The following PCDH7 variants were observed in gnomAD, a reference collection of about 807,000 sequenced individuals.
PCDH7 encodes the protein protocadherin-7.
In PCDH7, 17 loss-of-function variants were observed where a neutral mutation model predicts 58.9. That is an observed-to-expected ratio of 0.29 (90% CI 0.20 to 0.43). The LOEUF (loss-of-function observed/expected upper bound fraction) is 0.43, where lower values mean the gene tolerates loss of function less well. Among genes scored for constraint, PCDH7 ranks in the 20% least tolerant of loss-of-function variants. The pLI is 1.00. For missense variants in PCDH7, 1,274 were observed against 1,441.0 expected, an observed-to-expected ratio of 0.88 and a Z score of 1.88; for synonymous variants, 664 against 616.4, an observed-to-expected ratio of 1.08 and a Z score of -1.14.
In PCDH7 at chr4:30,754,188, G is replaced by GTT. The variant is rs1553879619; in HGVS notation, c.70+29597_70+29598dup. 1.7e-3 allele frequency among the ~76,000 whole-genome samples: 246 copies of GTT among 141,022 alleles called. 6 individuals are homozygous for GTT. The highest frequency in any genetic ancestry group is 0.012 in the East Asian group (59 of 5,092). The allele number at this position is 141,022 out of a possible 152,430, so 92.5% of individuals were successfully genotyped here. A position where few individuals can be genotyped will look rare whatever the true frequency, so the allele number is the denominator to read the frequency against. On this transcript the variant is annotated intron_variant, in intron 1 of 3. Transcript: ENST00000509759. Reference sequence around the variant, plus strand: ...TGTGTGTGTGTGTGTGTGTGTGTGTGTTTTTTCTGGAGGGAGGAGGAAGTA... The same window carrying GTT: ...TGTGTGTGTGTGTGTGTGTGTGTGTGTTTTTTTTCTGGAGGGAGGAGGAAGTA...
chr4:30,994,372 T>C (rs1470571788), intron 3 of PCDH7, among the ~76,000 whole-genome samples: 1 of 152,176 alleles, frequency 6.6e-6, no homozygotes, highest in Non-Finnish European at 1.5e-5. Context: ...CATGACAGCT[T>C]TGTTGTACCT....
chr4:30,926,342 A>C (rs532941377), intron 2 of PCDH7, among the ~76,000 whole-genome samples: 3 of 151,746 alleles, frequency 2.0e-5, no homozygotes, highest in Non-Finnish European at 4.4e-5. Flanking sequence ...CCGCCACCAC[A>C]CTCGGCTAAT....
rs988799827 is a variant in PCDH7 at position 30,843,114 on chromosome 4, T to C, written c.71-77039T>C. ...ATAGTTAGGGAACAGTTTATAAGTG[T>C]CAGTTGAGCTATATATTTTATCTTA... On this transcript the variant is annotated intron_variant, in intron 1 of 3. Coordinates refer to the PCDH7 transcript ENST00000509759. Among the ~76,000 whole-genome samples, 5 of 152,030 alleles carry C rather than the reference T, an allele frequency of 3.3e-5. No individual in the cohort carries two copies. The Middle Eastern group carries it at 0.014, about 414-fold the overall frequency.
At chr4:31,034,652 T>TA (rs1485836178) in intron 3 of PCDH7, among the ~76,000 whole-genome samples, 2 of 152,176 alleles carry the variant, frequency 1.3e-5, no homozygotes, top group South Asian at 4.1e-4. Flanking sequence ...TTTAGGATTG[T>TA]AAAAATCTAT....
At chr4:30,728,032 C>T (rs1190325234) in intron 1 of PCDH7, among the ~76,000 whole-genome samples, 2 of 151,666 alleles carry the variant, frequency 1.3e-5, no homozygotes, top group African/African-American at 4.8e-5. Flanking sequence ...CCACTTGCAG[C>T]TGATCCTGAA....
intron 3 of PCDH7, among the ~76,000 whole-genome samples, chr4:31,010,868 A>T (rs186289574): frequency 3.7e-4 from 57 of 152,162 alleles, no homozygotes; most frequent in African/African-American, 7.5e-4. Context: ...ATTTTAAAAA[A>T]TAAAAAGATG....
chr4:31,029,618 C>T lies in PCDH7; in HGVS notation c.*7+79403C>T, dbSNP rs561433603. 3.9e-5 allele frequency among the ~76,000 whole-genome samples: 6 copies of T among 152,272 alleles called. No homozygotes were observed. The South Asian group carries it at 1.2e-3, about 32-fold the overall frequency. On this transcript the variant is annotated intron_variant, in intron 3 of 3. Coordinates refer to the PCDH7 transcript ENST00000509759. ...GGAAGTTTATAGAGGACTTTGAAGT[C>T]AGACATACTTGGGTTTGCACATTAA...
intron 1 of PCDH7, among the ~76,000 whole-genome samples, chr4:30,784,053 A>C (rs1432185807): frequency 2.6e-5 from 4 of 152,134 alleles, no homozygotes; most frequent in Admixed American, 1.3e-4. Flanking sequence ...ACTTCAGCTG[A>C]ATTGGACTTG....
At chr4:31,027,648 C>G (rs547119530) in intron 3 of PCDH7, among the ~76,000 whole-genome samples, 1 of 152,102 alleles carries the variant, frequency 6.6e-6, no homozygotes, top group African/African-American at 2.4e-5. Flanking sequence ...GCTTCAATCT[C>G]CTGACCTCAT....
intron 3 of PCDH7, among the ~76,000 whole-genome samples, chr4:31,073,199 A>T (rs1041671302): frequency 6.6e-6 from 1 of 152,154 alleles, no homozygotes; most frequent in Non-Finnish European, 1.5e-5. Flanking sequence ...TGCTTAGGGG[A>T]TTAGATTTGC....
intron 1 of PCDH7, among the ~76,000 whole-genome samples, chr4:30,789,968 A>C (rs138882948): frequency 3.3e-5 from 5 of 152,204 alleles, no homozygotes; most frequent in Non-Finnish European, 7.3e-5. Context: ...GCAGAAGAAC[A>C]GCTGTGAATG....
At chr4:30,828,322 T>A (rs559734493) in intron 1 of PCDH7, among the ~76,000 whole-genome samples, 1 of 152,122 alleles carries the variant, frequency 6.6e-6, no homozygotes, top group Non-Finnish European at 1.5e-5. Flanking sequence ...ACATAATATA[T>A]GCTTGCTGAA....
At chr4:30,866,449 T>C (rs1392301793) in intron 1 of PCDH7, among the ~76,000 whole-genome samples, 2 of 152,082 alleles carry the variant, frequency 1.3e-5, no homozygotes, top group African/African-American at 2.4e-5. Context: ...AAGTTCATGC[T>C]CTTTCCATTA....
intron 3 of PCDH7, among the ~76,000 whole-genome samples, chr4:31,096,361 G>A (rs1050052637): frequency 2.0e-5 from 3 of 152,220 alleles, no homozygotes; most frequent in African/African-American, 4.8e-5. Flanking sequence ...AGAAAGTTGG[G>A]TCACTGGATC....
intron 3 of PCDH7, among the ~76,000 whole-genome samples, chr4:30,963,076 T>C (rs1320510811): frequency 6.6e-6 from 1 of 152,144 alleles, no homozygotes; most frequent in African/African-American, 2.4e-5. Flanking sequence ...AGGTATGCCA[T>C]TGGTAGACAA....
At chr4:30,910,918 T>C (rs1741651691) in intron 1 of PCDH7, among the ~76,000 whole-genome samples, 1 of 152,152 alleles carries the variant, frequency 6.6e-6, no homozygotes, top group South Asian at 2.1e-4. Flanking sequence ...CAAATGCCCA[T>C]CAATATTAGA....
At chr4:31,126,857 G>T (rs1330057021) in intron 3 of PCDH7, among the ~76,000 whole-genome samples, 1 of 152,122 alleles carries the variant, frequency 6.6e-6, no homozygotes, top group Non-Finnish European at 1.5e-5. Context: ...TTATCTATTT[G>T]TTTCTGATAG....
chr4:31,123,110 G>A (rs1470613788), intron 3 of PCDH7, among the ~76,000 whole-genome samples: 1 of 151,774 alleles, frequency 6.6e-6, no homozygotes, highest in Non-Finnish European at 1.5e-5. Flanking sequence ...ACCTTTTTAA[G>A]CCACTTTTCT....
At chr4:31,088,670 A>G (rs894422784) in intron 3 of PCDH7, among the ~76,000 whole-genome samples, 1 of 152,078 alleles carries the variant, frequency 6.6e-6, no homozygotes, top group African/African-American at 2.4e-5. Context: ...GATTTTGCCT[A>G]AAAACATTAT....
Sources: gnomAD v4.1 joint callset for allele counts (sites outside exome capture counted in the v4.1 genomes callset) on GRCh38, gnomAD v4.1.1 for gene constraint, MANE v1.5 for transcripts, NCBI Gene and HGNC (gene_info 2026-07-23, HGNC 2026-07-21) for gene names.